The following CAMKMT variants were observed in gnomAD, a reference collection of about 807,000 sequenced individuals.
The protein encoded by CAMKMT is calmodulin-lysine N-methyltransferase.
Under a neutral mutation model 48.0 loss-of-function variants are expected in CAMKMT, and 53 were observed. The observed-to-expected ratio is 1.10, with a 90% CI of 0.89 to 1.39. CAMKMT has a LOEUF of 1.39. CAMKMT is among the 40% of genes most tolerant of loss of function. CAMKMT has a pLI of 0.00. For synonymous variants in CAMKMT, 165 were observed against 152.3 expected (o/e 1.08, Z -0.61); for missense variants, 428 against 402.7 (o/e 1.06, Z -0.54).
At chr2:44,527,915 A>G (rs946156598) in intron 3 of CAMKMT, among the ~76,000 whole-genome samples, 10 of 151,754 alleles carry the variant, frequency 6.6e-5, no homozygotes, top group Non-Finnish European at 1.0e-4. Flanking sequence ...TGACATTCTG[A>G]GTTTTGACAA....
chr2:44,574,641 T>G (rs1669106095), intron 3 of CAMKMT, among the ~76,000 whole-genome samples: 1 of 152,118 alleles, frequency 6.6e-6, no homozygotes, highest in Non-Finnish European at 1.5e-5. Context: ...TGATTTTTTT[T>G]TTTTGACTGA....
intron 3 of CAMKMT, among the ~76,000 whole-genome samples, chr2:44,558,103 G>A (rs1202824566): frequency 6.6e-6 from 1 of 152,096 alleles, no homozygotes; most frequent in South Asian, 2.1e-4. Context: ...CATCCAGGCT[G>A]GAGTGCAGTG....
At chr2:44,569,192 T>G (rs1184644162) in intron 3 of CAMKMT, among the ~76,000 whole-genome samples, 3 of 152,226 alleles carry the variant, frequency 2.0e-5, no homozygotes, top group Non-Finnish European at 4.4e-5. Flanking sequence ...TATTAATAAC[T>G]GGTGATAATA....
intron 3 of CAMKMT, among the ~76,000 whole-genome samples, chr2:44,667,768 G>A (rs1675081911): frequency 6.6e-6 from 1 of 152,014 alleles, no homozygotes. Context: ...TTTTTCTACA[G>A]CTCAGGTACT....
rs1292225299 is a variant in CAMKMT at position 44,469,094 on chromosome 2, G to C, written c.376+78789G>C. 2.0e-5 allele frequency among the ~76,000 whole-genome samples: 3 copies of C among 151,944 alleles called. No homozygotes were observed. In the East Asian group the frequency reaches 5.8e-4, roughly 29 times the overall value. ...ATACAATATTAAAGCTAGATGAGAG[G>C]AATCAGTTCTAGTGTTCTACAGCAC... On this transcript the variant is annotated intron_variant, in intron 3 of 10. Coordinates refer to ENST00000378494, the MANE Select transcript of CAMKMT (RefSeq NM_024766.5).
At chr2:44,587,054 T>C (rs1261819018) in intron 3 of CAMKMT, among the ~76,000 whole-genome samples, 1 of 152,244 alleles carries the variant, frequency 6.6e-6, no homozygotes, top group Non-Finnish European at 1.5e-5. Context: ...TTTTCATTGC[T>C]TATTTGTCAT....
At chr2:44,389,815 T>C (rs947895674) in intron 2 of CAMKMT, among the ~76,000 whole-genome samples, 3 of 152,162 alleles carry the variant, frequency 2.0e-5, no homozygotes, top group African/African-American at 7.2e-5. Flanking sequence ...GATTGGCTAT[T>C]TCTTTGTGAC....
intron 3 of CAMKMT, among the ~76,000 whole-genome samples, chr2:44,479,780 C>T (rs568409243): frequency 6.6e-6 from 1 of 151,998 alleles, no homozygotes; most frequent in African/African-American, 2.4e-5. Context: ...GTTTAGTTTC[C>T]CTTTTAAGAT....
At chr2:44,413,161 G>T (rs954331931) in intron 3 of CAMKMT, among the ~76,000 whole-genome samples, 1 of 151,856 alleles carries the variant, frequency 6.6e-6, no homozygotes, top group African/African-American at 2.4e-5. Flanking sequence ...GTTCTCTGGG[G>T]GCTGATTACA....
At chr2:44,526,255 T>C (rs1671398433) in intron 3 of CAMKMT, among the ~76,000 whole-genome samples, 1 of 152,216 alleles carries the variant, frequency 6.6e-6, no homozygotes, top group South Asian at 2.1e-4. Context: ...AAATTAATAT[T>C]GTCTGCCTAG....
chr2:44,450,025 A>G (rs898501332), intron 3 of CAMKMT, among the ~76,000 whole-genome samples: 1 of 152,142 alleles, frequency 6.6e-6, no homozygotes, highest in Non-Finnish European at 1.5e-5. Context: ...TCAACTTGAG[A>G]TGGGTCAGCT....
At chr2:44,748,535 A>G (rs527538618) in intron 8 of CAMKMT, among the ~76,000 whole-genome samples, 3 of 152,244 alleles carry the variant, frequency 2.0e-5, no homozygotes, top group African/African-American at 7.2e-5. Context: ...TTTTCCTACA[A>G]TCATAATCTT....
intron 3 of CAMKMT, among the ~76,000 whole-genome samples, chr2:44,696,003 C>T (rs1462381236): frequency 1.3e-5 from 2 of 151,996 alleles, no homozygotes; most frequent in Non-Finnish European, 1.5e-5. Flanking sequence ...AGTGGAGTGG[C>T]GTGATCTCGG....
At chr2:44,473,317 T>C (rs982671692) in intron 3 of CAMKMT, among the ~76,000 whole-genome samples, 1 of 152,230 alleles carries the variant, frequency 6.6e-6, no homozygotes, top group Non-Finnish European at 1.5e-5. Context: ...TTACATTTTA[T>C]ATACCAAAAT....
At chr2:44,536,872 C>A (rs1404851420) in intron 3 of CAMKMT, among the ~76,000 whole-genome samples, 1 of 152,066 alleles carries the variant, frequency 6.6e-6, no homozygotes, top group Non-Finnish European at 1.5e-5. Context: ...TATTTACAGC[C>A]AACTGATTTT....
intron 9 of CAMKMT, among the ~76,000 whole-genome samples, chr2:44,763,795 G>A (rs1415679826): frequency 6.6e-6 from 1 of 152,232 alleles, no homozygotes; most frequent in Non-Finnish European, 1.5e-5. Context: ...ACCAGGGCAT[G>A]TGGAGATGCA....
chr2:44,362,677 T>C (rs1367160222), intron 1 of CAMKMT, among the ~76,000 whole-genome samples: 10 of 152,194 alleles, frequency 6.6e-5, no homozygotes, highest in Admixed American at 6.5e-4. Context: ...GAAAAGCTGA[T>C]ACCCTCTCTC....
chr2:44,507,117 A>C (rs1298667001), intron 3 of CAMKMT, among the ~76,000 whole-genome samples: 1 of 152,134 alleles, frequency 6.6e-6, no homozygotes, highest in Non-Finnish European at 1.5e-5. Flanking sequence ...AAGGAATAGA[A>C]AAATTGAAGG....
intron 3 of CAMKMT, among the ~76,000 whole-genome samples, chr2:44,608,978 T>C (rs1671451394): frequency 6.6e-6 from 1 of 152,336 alleles, no homozygotes; most frequent in East Asian, 1.9e-4. Flanking sequence ...AATTTAAATC[T>C]CTATTCAAGT....
Sources: gnomAD v4.1 joint callset for allele counts (sites outside exome capture counted in the v4.1 genomes callset) on GRCh38, gnomAD v4.1.1 for gene constraint, MANE v1.5 for transcripts, NCBI Gene and HGNC (gene_info 2026-07-23, HGNC 2026-07-21) for gene names.